SLC8A1: variants seen among roughly 807,000 people sequenced by gnomAD.
The protein encoded by SLC8A1 is sodium/calcium exchanger 1.
SLC8A1 carries 18 observed loss-of-function variants against 68.3 expected under a neutral mutation model. The ratio of observed to expected loss-of-function variants is 0.26; its 90% CI spans 0.18 to 0.39. SLC8A1 has a LOEUF of 0.39. Ranked by LOEUF, SLC8A1 falls within the 10% of genes least tolerant of loss-of-function variation. The pLI, the probability that SLC8A1 is intolerant of heterozygous loss-of-function variation, is 1.00. For synonymous variants in SLC8A1, 475 were observed against 415.5 expected (o/e 1.14, Z -1.74); for missense variants, 985 against 1,156.7 (o/e 0.85, Z 2.15).
At chr2:40,460,133 T>C (rs916961818) in intron 1 of SLC8A1, among the ~76,000 whole-genome samples, 2 of 152,190 alleles carry the variant, frequency 1.3e-5, no homozygotes, top group African/African-American at 4.8e-5. Flanking sequence ...TTTTTTGAAA[T>C]GAATGATATC....
chr2:40,384,963 T>TC (rs1683091435), intron 2 of SLC8A1, among the ~76,000 whole-genome samples: 1 of 152,072 alleles, frequency 6.6e-6, no homozygotes, highest in Non-Finnish European at 1.5e-5. Context: ...TCCTAATGCC[T>TC]GCCACCACTT....
chr2:40,231,496 C>CT (rs534560753), intron 2 of SLC8A1, among the ~76,000 whole-genome samples: 121 of 152,016 alleles, frequency 8.0e-4, no homozygotes, highest in African/African-American at 2.7e-3. Context: ...TTTTCACACT[C>CT]TTTTTTTTAT....
At chr2:40,128,364 G>A (rs1178721378) in intron 7 of SLC8A1, among the ~76,000 whole-genome samples, 1 of 152,142 alleles carries the variant, frequency 6.6e-6, no homozygotes, top group Non-Finnish European at 1.5e-5. Flanking sequence ...CATTCTTTGT[G>A]CAGGGAGATC....
chr2:40,157,726 A>C (rs436519), intron 6 of SLC8A1, among the ~76,000 whole-genome samples: 5,516 of 152,320 alleles, frequency 0.036, 351 homozygotes, highest in African/African-American at 0.13. Flanking sequence ...ACCTCGTGGT[A>C]CTGGACTTGC....
At chr2:40,209,398 T>C (rs1016767574) in intron 2 of SLC8A1, among the ~76,000 whole-genome samples, 4 of 151,936 alleles carry the variant, frequency 2.6e-5, no homozygotes, top group Non-Finnish European at 5.9e-5. Context: ...TGGAGAAAAA[T>C]GATCCTGGAG....
intron 2 of SLC8A1, among the ~76,000 whole-genome samples, chr2:40,313,054 G>A (rs566547543): frequency 2.6e-5 from 4 of 151,940 alleles, no homozygotes; most frequent in Admixed American, 2.6e-4. Context: ...CCATAATCAA[G>A]GTAATAAACG....
At chr2:40,304,703 T>G (rs2072237739) in intron 2 of SLC8A1, among the ~76,000 whole-genome samples, 1 of 152,148 alleles carries the variant, frequency 6.6e-6, no homozygotes, top group Admixed American at 6.6e-5. Flanking sequence ...CCGTGTCTGC[T>G]CACTGATCAC....
intron 2 of SLC8A1, among the ~76,000 whole-genome samples, chr2:40,377,818 A>G (rs1330953687): frequency 6.6e-6 from 1 of 152,148 alleles, no homozygotes; most frequent in East Asian, 1.9e-4. Flanking sequence ...GTAGAGCCCT[A>G]CAAAGTTTCT....
At chr2:40,473,692 CT>C (rs1704123110) in intron 1 of SLC8A1, among the ~76,000 whole-genome samples, 1 of 152,116 alleles carries the variant, frequency 6.6e-6, no homozygotes, top group Non-Finnish European at 1.5e-5. Context: ...GGATAGTGGG[CT>C]TGTTTATTAC....
chr2:40,376,186 C>T (rs901741320), intron 2 of SLC8A1, among the ~76,000 whole-genome samples: 1 of 152,078 alleles, frequency 6.6e-6, no homozygotes, highest in Non-Finnish European at 1.5e-5. Flanking sequence ...TGTGACTTAA[C>T]TGTTAACCTA....
intron 2 of SLC8A1, among the ~76,000 whole-genome samples, chr2:40,329,571 A>C (rs1385485110): frequency 2.0e-5 from 3 of 152,208 alleles, no homozygotes; most frequent in Non-Finnish European, 4.4e-5. Flanking sequence ...AAAAGGATTT[A>C]AGTTACTAAT....
At chr2:40,335,796 G>C (rs76879519) in intron 2 of SLC8A1, among the ~76,000 whole-genome samples, 4,329 of 152,298 alleles carry the variant, frequency 0.028, 89 homozygotes, top group Non-Finnish European at 0.041. Context: ...CCTTTGTCAT[G>C]ATTATCTGGC....
intron 2 of SLC8A1, among the ~76,000 whole-genome samples, chr2:40,381,028 T>C (rs11904797): frequency 0.025 from 3,854 of 152,160 alleles, 176 homozygotes; most frequent in African/African-American, 0.087. Context: ...AAACTTAGGA[T>C]TGGTCAATTC....
intron 2 of SLC8A1, among the ~76,000 whole-genome samples, chr2:40,309,341 G>A (rs971505628): frequency 6.6e-6 from 1 of 152,056 alleles, no homozygotes; most frequent in Non-Finnish European, 1.5e-5. Context: ...CTTCCCTAGG[G>A]AAAGAGTGCT....
At chr2:40,429,034 T>C in exon 2 of SLC8A1, 1 of 1,613,122 alleles carries the variant, frequency 6.2e-7, no homozygotes, top group Non-Finnish European at 8.5e-7. Flanking sequence ...CAGACACTGA[T>C]ATGTCCCTTG....
chr2:40,362,278 A>C (rs546804024), intron 2 of SLC8A1, among the ~76,000 whole-genome samples: 1 of 151,572 alleles, frequency 6.6e-6, no homozygotes, highest in Non-Finnish European at 1.5e-5. Flanking sequence ...AAAATGGAAA[A>C]AGAAAAAAAG....
intron 2 of SLC8A1, among the ~76,000 whole-genome samples, chr2:40,359,959 T>G (rs919681435): frequency 6.6e-6 from 1 of 151,246 alleles, no homozygotes; most frequent in African/African-American, 2.4e-5. Context: ...AGATACATAA[T>G]GAGTAACGGC....
At chr2:40,126,642 A>G (rs146431493) in intron 7 of SLC8A1, among the ~76,000 whole-genome samples, 1 of 152,330 alleles carries the variant, frequency 6.6e-6, no homozygotes, top group East Asian at 1.9e-4. Context: ...GAGGACACAG[A>G]TTAGAGGTTT....
intron 2 of SLC8A1, among the ~76,000 whole-genome samples, chr2:40,279,075 A>C (rs1441515137): frequency 6.6e-6 from 1 of 152,210 alleles, no homozygotes; most frequent in Non-Finnish European, 1.5e-5. Context: ...TAAGAATCAA[A>C]ACTGTTTTCC....
Sources: allele counts gnomAD v4.1 joint callset (sites outside exome capture counted in the v4.1 genomes callset), GRCh38; gene constraint gnomAD v4.1.1; transcripts MANE v1.5; gene names NCBI Gene and HGNC (gene_info 2026-07-23, HGNC 2026-07-21).